UBE2V2: variants seen among roughly 807,000 people sequenced by gnomAD.
UBE2V2 encodes ubiquitin-conjugating enzyme E2 variant 2.
In UBE2V2, 9 loss-of-function variants were observed where a neutral mutation model predicts 17.2. That is an observed-to-expected ratio of 0.52 (90% CI 0.32 to 0.91). The LOEUF (loss-of-function observed/expected upper bound fraction) is 0.91, where lower values mean the gene tolerates loss of function less well. Among genes scored for constraint, UBE2V2 ranks in the 40% least tolerant of loss-of-function variants. The pLI, the probability that UBE2V2 is intolerant of heterozygous loss-of-function variation, is 0.04. For synonymous variants in UBE2V2, 61 were observed against 57.5 expected (o/e 1.06, Z -0.28); for missense variants, 133 against 182.6 (o/e 0.73, Z 1.56).
chr8:48,018,957 A>G (rs1295030212), intron 1 of UBE2V2, among the ~76,000 whole-genome samples: 1 of 152,116 alleles, frequency 6.6e-6, no homozygotes, highest in Non-Finnish European at 1.5e-5. Context: ...GGGGCCAGGC[A>G]TAGTGGCTCA....
chr8:48,014,577 G>A (rs2091255423), intron 1 of UBE2V2, among the ~76,000 whole-genome samples: 1 of 147,410 alleles, frequency 6.8e-6, no homozygotes, highest in Non-Finnish European at 1.5e-5. Context: ...CCTGGGAGTC[G>A]AAGCTTGCAG....
the UBE2V2 span, among the ~76,000 whole-genome samples, chr8:48,002,619 G>A: frequency 1.3e-5 from 2 of 151,416 alleles, no homozygotes; most frequent in African/African-American, 4.9e-5. Flanking sequence ...GAAACTGAGA[G>A]GAGAGGAGAA....
At chr8:48,047,999 T>TG (rs986491180) in intron 2 of UBE2V2, among the ~76,000 whole-genome samples, 10 of 148,612 alleles carry the variant, frequency 6.7e-5, no homozygotes, top group Non-Finnish European at 1.5e-4. Flanking sequence ...CTTTGGGTTT[T>TG]TTTTTTTTTT....
At chr8:48,040,040 CTTTTT>C (rs56888818) in intron 1 of UBE2V2, among the ~76,000 whole-genome samples, 1 of 140,326 alleles carries the variant, frequency 7.1e-6, no homozygotes, top group Non-Finnish European at 1.6e-5. Flanking sequence ...GCCTTTTCTA[CTTTTT>C]TTTTTTTTTT....
chr8:48,008,336 C>A (rs1216413402), upstream of UBE2V2: 25 of 1,334,674 alleles, frequency 1.9e-5, no homozygotes, highest in Non-Finnish European at 2.2e-5. Context: ...TCCCTCGGGT[C>A]GCCCCGCGCC....
the UBE2V2 span, among the ~76,000 whole-genome samples, chr8:47,999,235 C>A: frequency 6.6e-6 from 1 of 152,078 alleles, no homozygotes; most frequent in Non-Finnish European, 1.5e-5. Flanking sequence ...TTTCTTTGGG[C>A]AGTTTGTCCC....
chr8:48,062,500 G>A lies in UBE2V2; in HGVS notation c.*1672G>A, dbSNP rs917725978. The A allele has an allele frequency of 6.6e-6, 1 of 151,364 alleles. No homozygotes were observed. Among genetic ancestry groups the A allele is most frequent in the Non-Finnish European group, 1.5e-5 (1 of 67,950 alleles). 9.4% of individuals were successfully genotyped at this position (151,364 alleles called of 1,614,324 possible). A position where few individuals can be genotyped will look rare whatever the true frequency, so the allele number is the denominator to read the frequency against. On this transcript the variant is annotated 3_prime_UTR_variant, in exon 4 of 4. Transcript: ENST00000523111. ...CCCAGCTACTCGGGAGGCTGGGCAG[G>A]AGAACTACTTGAAACTGGCAGACAG... is the stretch of plus-strand genomic sequence containing the variant.
the UBE2V2 span, among the ~76,000 whole-genome samples, chr8:47,998,723 C>T: frequency 3.3e-5 from 5 of 151,348 alleles, no homozygotes; most frequent in Admixed American, 6.6e-5. Flanking sequence ...AGACAGAGAG[C>T]GAGAGCCGGC....
rs534706603 is a variant in UBE2V2, at chr8:48,035,952, T to C, written c.17-7081T>C. Among the ~76,000 whole-genome samples the C allele has an allele frequency of 3.5e-3, 454 of 129,782 alleles. 1 individual carries two copies. The highest frequency in any genetic ancestry group is 9.8e-3 in the African/African-American group (380 of 38,794). The allele number at this position is 129,782 out of a possible 152,430, so 85.1% of individuals were successfully genotyped here. A position where few individuals can be genotyped will look rare whatever the true frequency, so the allele number is the denominator to read the frequency against. ...TACTTTTCTCCCCTTGCCTTTCTTTTTTTTTTTTTTTTTTTTGAGACCGAA... is the reference window on the plus strand; with the variant it reads ...TACTTTTCTCCCCTTGCCTTTCTTTCTTTTTTTTTTTTTTTTGAGACCGAA... On this transcript the variant is annotated intron_variant, in intron 1 of 3. Transcript: ENST00000523111.
chr8:48,027,878 C>T lies in UBE2V2; in HGVS notation c.17-15155C>T, dbSNP rs530368963. ...ATTCATTTTTTTTTTGTTTTTGAGACGGAGTCTCGCTCTCGCCCAGGCTGG... is the reference window on the plus strand; with the variant it reads ...ATTCATTTTTTTTTTGTTTTTGAGATGGAGTCTCGCTCTCGCCCAGGCTGG... On this transcript the variant is annotated intron_variant, in intron 1 of 3. Transcript: ENST00000523111. Among the ~76,000 whole-genome samples, 31 of 151,956 alleles carry T rather than the reference C, an allele frequency of 2.0e-4. 1 individual carries two copies. Among genetic ancestry groups the T allele is most frequent in the African/African-American group, 7.5e-4 (31 of 41,462 alleles).
At chr8:48,012,440 C>T (rs114774204) in intron 1 of UBE2V2, among the ~76,000 whole-genome samples, 1,729 of 152,136 alleles carry the variant, frequency 0.011, 44 homozygotes, top group African/African-American at 0.039. Context: ...ATGTGCAGGC[C>T]GGGTGGGGTG....
Position 48,008,437 on chromosome 8 carries a change from GT to G in UBE2V2, c.-17del. The G allele has an allele frequency of 1.3e-6, 2 of 1,564,970 alleles. No individual in the cohort carries two copies. The highest frequency in any genetic ancestry group is 1.7e-6 in the Non-Finnish European group (2 of 1,158,086). On this transcript the variant is annotated 5_prime_UTR_variant, in exon 1 of 4. Coordinates refer to ENST00000523111, the MANE Select transcript of UBE2V2 (RefSeq NM_003350.3). ...TTCGTGCGTGCGTGCGGGCGGCTGCGTCGGGCTGCAGGAGAAGATGGCGGTC... is the reference window on the plus strand; with the variant it reads ...TTCGTGCGTGCGTGCGGGCGGCTGCGCGGGCTGCAGGAGAAGATGGCGGTC...
chr8:48,046,181 G>A (rs780974150), intron 2 of UBE2V2, among the ~76,000 whole-genome samples: 9 of 151,564 alleles, frequency 5.9e-5, no homozygotes, highest in Non-Finnish European at 1.0e-4. Context: ...GTGCAGTGGC[G>A]CCATCTCGGC....
intron 1 of UBE2V2, among the ~76,000 whole-genome samples, chr8:48,024,076 G>A (rs1420413525): frequency 6.6e-6 from 1 of 152,158 alleles, no homozygotes; most frequent in African/African-American, 2.4e-5. Flanking sequence ...TTTTCAGTAA[G>A]CTGGAACTCA....
chr8:48,055,309 C>A (rs1316168250), intron 3 of UBE2V2, among the ~76,000 whole-genome samples: 1 of 151,412 alleles, frequency 6.6e-6, no homozygotes, highest in Non-Finnish European at 1.5e-5. Context: ...AAGTGACTCT[C>A]CTGCCTCAGC....
At chr8:48,010,761 G>T (rs1398158248) in intron 1 of UBE2V2, among the ~76,000 whole-genome samples, 1 of 148,182 alleles carries the variant, frequency 6.7e-6, no homozygotes, top group African/African-American at 2.5e-5. Context: ...GCAAGGGCAT[G>T]ATCTCGGCTC....
At chr8:48,055,230 G>A (rs1377197303) in intron 3 of UBE2V2, among the ~76,000 whole-genome samples, 2 of 138,134 alleles carry the variant, frequency 1.4e-5, no homozygotes, top group African/African-American at 5.5e-5. Context: ...ACGGAGTTTC[G>A]CTCTTATTGC....
chr8:48,052,128 G>C (rs538532783), intron 3 of UBE2V2, among the ~76,000 whole-genome samples: 1 of 152,210 alleles, frequency 6.6e-6, no homozygotes, highest in Admixed American at 6.5e-5. Flanking sequence ...TGTTCTTTCA[G>C]TGATTATTCT....
chr8:48,019,515 C>T (rs369954053), intron 1 of UBE2V2, among the ~76,000 whole-genome samples: 7 of 149,530 alleles, frequency 4.7e-5, no homozygotes, highest in East Asian at 2.0e-4. Flanking sequence ...GGCAACAGAG[C>T]GAGACTGTCT....
Sources: gnomAD v4.1 joint callset for allele counts (sites outside exome capture counted in the v4.1 genomes callset) on GRCh38, gnomAD v4.1.1 for gene constraint, MANE v1.5 for transcripts, NCBI Gene and HGNC (gene_info 2026-07-23, HGNC 2026-07-21) for gene names.